Variants in CDH12 observed in about 807,000 individuals in gnomAD.
CDH12 encodes cadherin 12, also known as cadherin-12.
In CDH12, 41 loss-of-function variants were observed where a neutral mutation model predicts 74.1. The observed-to-expected ratio is 0.55, with a 90% CI of 0.43 to 0.72. CDH12 has a LOEUF of 0.72. Ranked by LOEUF, CDH12 falls within the 30% of genes least tolerant of loss-of-function variation. The pLI is 0.00. For synonymous variants in CDH12, 399 were observed against 355.0 expected (o/e 1.12, Z -1.39); for missense variants, 945 against 977.2 (o/e 0.97, Z 0.44).
chr5:22,476,137 T>C (rs952422319), intron 2 of CDH12, among the ~76,000 whole-genome samples: 20 of 152,204 alleles, frequency 1.3e-4, no homozygotes, highest in African/African-American at 3.6e-4. Context: ...TTTATCACTG[T>C]CACTATCAGC....
At chr5:22,672,244 T>C (rs560785980) in intron 1 of CDH12, among the ~76,000 whole-genome samples, 65 of 150,818 alleles carry the variant, frequency 4.3e-4, no homozygotes, top group Admixed American at 1.5e-3. Flanking sequence ...ACTGTTGAGT[T>C]TTAAAATTTT....
chr5:22,175,631 T>G (rs1263935895), intron 4 of CDH12, among the ~76,000 whole-genome samples: 2 of 152,092 alleles, frequency 1.3e-5, no homozygotes, highest in African/African-American at 4.8e-5. Flanking sequence ...AGCTAAAGAT[T>G]TATAGGTTGA....
chr5:22,199,795 CT>C (rs1249680384), intron 4 of CDH12, among the ~76,000 whole-genome samples: 3 of 152,192 alleles, frequency 2.0e-5, no homozygotes, highest in Non-Finnish European at 2.9e-5. Context: ...TCTTTGCATT[CT>C]TTTTCTCTCT....
chr5:22,680,042 T>C (rs962805848), intron 1 of CDH12, among the ~76,000 whole-genome samples: 1 of 152,054 alleles, frequency 6.6e-6, no homozygotes, highest in African/African-American at 2.4e-5. Flanking sequence ...AGCAACAGTG[T>C]CCTTTGATGA....
At chr5:22,546,753 T>C (rs1243467168) in intron 1 of CDH12, among the ~76,000 whole-genome samples, 1 of 152,178 alleles carries the variant, frequency 6.6e-6, no homozygotes, top group Non-Finnish European at 1.5e-5. Context: ...AATCCATATG[T>C]ATGCACAATA....
rs190750530 is a variant in CDH12 at position 22,579,956 on chromosome 5, C to G, written c.-522-74592G>C. Reference sequence around the variant, plus strand: ...TCTTCCCCAGCTACCCTGGTCTCTTCTCTCCAGAATGCCTTGCTACATGCT... The same window carrying G: ...TCTTCCCCAGCTACCCTGGTCTCTTGTCTCCAGAATGCCTTGCTACATGCT... On this transcript the variant is annotated intron_variant, in intron 1 of 14. Transcript: ENST00000382254. 4.9e-3 allele frequency among the ~76,000 whole-genome samples: 749 copies of G among 152,296 alleles called. 11 individuals are homozygous for G. Among genetic ancestry groups the G allele is most frequent in the Non-Finnish European group, 6.3e-3 (431 of 68,024 alleles).
chr5:21,917,244 C>T (rs1754139672), intron 6 of CDH12, among the ~76,000 whole-genome samples: 1 of 152,152 alleles, frequency 6.6e-6, no homozygotes. Context: ...CACCAATGGG[C>T]TCTGACCTGG....
At chr5:22,633,808 C>T (rs1872839) in intron 1 of CDH12, among the ~76,000 whole-genome samples, 9,986 of 152,260 alleles carry the variant, frequency 0.066, 431 homozygotes, top group East Asian at 0.24. Context: ...GACTTCTCAA[C>T]TTCTACAATT....
chr5:22,097,376 G>A (rs1743852084), intron 4 of CDH12, among the ~76,000 whole-genome samples: 1 of 152,100 alleles, frequency 6.6e-6, no homozygotes, highest in Non-Finnish European at 1.5e-5. Context: ...TGAGCTTCAA[G>A]TAACTCTCAC....
intron 1 of CDH12, among the ~76,000 whole-genome samples, chr5:22,691,014 T>G (rs1742054566): frequency 6.6e-6 from 1 of 152,186 alleles, no homozygotes; most frequent in East Asian, 1.9e-4. Flanking sequence ...TTTAGCTAGA[T>G]ATGATATTTT....
intron 1 of CDH12, among the ~76,000 whole-genome samples, chr5:22,762,088 G>A (rs1746258288): frequency 6.6e-6 from 1 of 152,064 alleles, no homozygotes; most frequent in Admixed American, 6.6e-5. Flanking sequence ...AAAATACCTA[G>A]TTAGTAGTTA....
At chr5:22,153,870 A>G (rs7706088) in intron 4 of CDH12, among the ~76,000 whole-genome samples, 4,537 of 82,888 alleles carry the variant, frequency 0.055, 96 homozygotes, top group Non-Finnish European at 0.069. Context: ...ATATATATAT[A>G]TGTATATATA....
chr5:22,588,878 T>C (rs888459866), intron 1 of CDH12, among the ~76,000 whole-genome samples: 2 of 152,154 alleles, frequency 1.3e-5, no homozygotes, highest in African/African-American at 2.4e-5. Flanking sequence ...TATCACCTTT[T>C]TCTCTTGCAT....
chr5:22,632,001 G>A (rs1738610577), intron 1 of CDH12, among the ~76,000 whole-genome samples: 1 of 152,068 alleles, frequency 6.6e-6, no homozygotes, highest in Non-Finnish European at 1.5e-5. Context: ...TGATCTAGGT[G>A]GAGACACAAA....
chr5:21,839,797 C>T (rs759680301), intron 8 of CDH12, among the ~76,000 whole-genome samples: 1 of 152,048 alleles, frequency 6.6e-6, no homozygotes, highest in East Asian at 1.9e-4. Flanking sequence ...TAATTAAGAT[C>T]CTTATACAAC....
intron 3 of CDH12, among the ~76,000 whole-genome samples, chr5:22,252,301 T>C (rs905907429): frequency 6.6e-6 from 1 of 152,040 alleles, no homozygotes; most frequent in Non-Finnish European, 1.5e-5. Context: ...CATATAATAA[T>C]GCAACAACAT....
intron 1 of CDH12, among the ~76,000 whole-genome samples, chr5:22,825,633 C>A (rs1736281741): frequency 6.6e-6 from 1 of 152,054 alleles, no homozygotes; most frequent in Non-Finnish European, 1.5e-5. Flanking sequence ...GGAACTAGGG[C>A]AGAGAAAAAA....
At chr5:21,945,410 A>C (rs1213812355) in intron 6 of CDH12, among the ~76,000 whole-genome samples, 1 of 124,890 alleles carries the variant, frequency 8.0e-6, no homozygotes, top group Non-Finnish European at 1.6e-5. Context: ...TGGGCAACAG[A>C]GTGAGACTGT....
At chr5:22,814,040 T>C (rs1431544253) in intron 1 of CDH12, among the ~76,000 whole-genome samples, 1 of 152,154 alleles carries the variant, frequency 6.6e-6, no homozygotes, top group Non-Finnish European at 1.5e-5. Context: ...CTAAATTATA[T>C]GTTTGGCAAA....
Sources: allele counts gnomAD v4.1 joint callset (sites outside exome capture counted in the v4.1 genomes callset), GRCh38; gene constraint gnomAD v4.1.1; transcripts MANE v1.5; gene names NCBI Gene and HGNC (gene_info 2026-07-23, HGNC 2026-07-21).